GBP6: variants seen among roughly 807,000 people sequenced by gnomAD.
GBP6 encodes the protein guanylate-binding protein 6.
A neutral mutation model predicts 61.5 loss-of-function variants in GBP6; 54 were observed. The observed-to-expected ratio is 0.88, with a 90% CI of 0.71 to 1.10. GBP6 has a LOEUF of 1.10. Ranked by LOEUF, GBP6 falls within the 50% of genes least tolerant of loss-of-function variation. GBP6 has a pLI of 0.00. For missense variants in GBP6, 748 were observed against 752.8 expected, an observed-to-expected ratio of 0.99 and a Z score of 0.07; for synonymous variants, 255 against 273.7, an observed-to-expected ratio of 0.93 and a Z score of 0.67.
Position 89,385,471 on chromosome 1 carries a change from G to A in GBP6, c.*2G>A, listed in dbSNP as rs553010466. Reference sequence around the variant, plus strand: ...AAAAAGCATAAGCTCCCCTTTTAAGGATATTATAGATTGTACATATATGCT... The same window carrying A: ...AAAAAGCATAAGCTCCCCTTTTAAGAATATTATAGATTGTACATATATGCT... On this transcript the variant is annotated 3_prime_UTR_variant, in exon 11 of 11. Coordinates refer to ENST00000370456, the MANE Select transcript of GBP6 (RefSeq NM_198460.3). 1.2e-6 allele frequency: 2 copies of A among 1,612,718 alleles called. No homozygotes were observed. Among genetic ancestry groups the A allele is most frequent in the African/African-American group, 2.7e-5 (2 of 74,868 alleles).
At chr1:89,364,471 G>A (rs751248487) in intron 1 of GBP6, among the ~76,000 whole-genome samples, 12 of 152,174 alleles carry the variant, frequency 7.9e-5, no homozygotes, top group African/African-American at 2.7e-4. Context: ...CAATTATACC[G>A]GAAGGGAGAG....
chr1:89,367,332 T>C (rs1296947009), intron 1 of GBP6, among the ~76,000 whole-genome samples: 1 of 152,134 alleles, frequency 6.6e-6, no homozygotes, highest in Non-Finnish European at 1.5e-5. Flanking sequence ...AGTTTTGAAG[T>C]TTTGGGCTTT....
Position 89,368,662 on chromosome 1 carries a change from AGTG to A in GBP6, c.122_124del (p.Val41del), listed in dbSNP as rs1253385397. 3.1e-6 allele frequency: 5 copies of A among 1,614,164 alleles called. No individual in the cohort carries two copies. The highest frequency in any genetic ancestry group is 4.2e-6 in the Non-Finnish European group (5 of 1,179,982). On this transcript the variant is annotated inframe_deletion, in exon 2 of 11. Transcript: ENST00000370456. ...AGATTCTTGAAAAGATTTCTCAGCC[AGTG>A]GTGGTGGTGGCCATTGTAGGACTGT...
chr1:89,376,309 A>G (rs1420262058), intron 3 of GBP6, among the ~76,000 whole-genome samples: 1 of 152,210 alleles, frequency 6.6e-6, no homozygotes, highest in Non-Finnish European at 1.5e-5. Flanking sequence ...CCTTGGATAT[A>G]TACACAGCAG....
intron 1 of GBP6, among the ~76,000 whole-genome samples, chr1:89,366,486 C>A (rs1024784685): frequency 6.6e-6 from 1 of 152,104 alleles, no homozygotes; most frequent in Non-Finnish European, 1.5e-5. Flanking sequence ...AAAAGACAAA[C>A]ATATAAGGTC....
intron 3 of GBP6, among the ~76,000 whole-genome samples, chr1:89,377,313 C>A (rs1447819613): frequency 1.3e-5 from 2 of 152,156 alleles, no homozygotes; most frequent in Non-Finnish European, 2.9e-5. Context: ...TGCAAAGACT[C>A]CTGAAATCTA....
At chr1:89,380,361 TTC>T in intron 5 of GBP6, 23 bp from the exon 6 acceptor site, 2 of 1,489,494 alleles carry the variant, frequency 1.3e-6, no homozygotes, top group South Asian at 1.1e-5. Flanking sequence ...TTTCACTATA[TTC>T]TCTGTTTTTT....
At chr1:89,373,632 A>T (rs182138125) in intron 3 of GBP6, among the ~76,000 whole-genome samples, 2 of 152,244 alleles carry the variant, frequency 1.3e-5, no homozygotes, top group Non-Finnish European at 2.9e-5. Context: ...ACTTGGACAC[A>T]GGGTGGGGAA....
At position 89,378,566 on chromosome 1, in the gene GBP6, C is replaced by G. The variant is rs1398475505; in HGVS notation, c.578C>G (p.Pro193Arg). The change falls in exon 5 of 11, where the codon CCT becomes CGT. Residue 193 changes from proline (P) to arginine (R), a missense_variant. Coordinates refer to ENST00000370456, the MANE Select transcript of GBP6 (RefSeq NM_198460.3). ...CTGGAGCTGAAGTTGAACGGTCACC[C>G]TATCACAGAAGATGAATACCTGGAG... ...FTLELKLNGH[P>R]ITEDEYLENA... 6.2e-7 allele frequency: 1 copy of G among 1,613,856 alleles called. No homozygotes were observed. The highest frequency in any genetic ancestry group is 8.5e-7 in the Non-Finnish European group (1 of 1,179,858).
At position 89,384,308 on chromosome 1, in the gene GBP6, GCAGGCCAGACGGTCCTCACC is replaced by G. The variant is rs751740265; in HGVS notation, c.1662+27_1662+46del. On this transcript the variant is annotated intron_variant, in intron 10 of 10. Coordinates refer to ENST00000370456, the MANE Select transcript of GBP6 (RefSeq NM_198460.3). ...GAAGGTAAGTCTGCCCTTGGCCTCA[GCAGGCCAGACGGTCCTCACC>G]CAGGTACCTCAGGAAGGGCTGGTGA... is the stretch of plus-strand genomic sequence containing the variant. The G allele has an allele frequency of 2.5e-6, 4 of 1,588,708 alleles. No individual in the cohort carries two copies. The South Asian group carries it at 3.4e-5, about 14-fold the overall frequency.
chr1:89,365,221 G>A (rs1005005085), intron 1 of GBP6, among the ~76,000 whole-genome samples: 14 of 152,208 alleles, frequency 9.2e-5, no homozygotes, highest in Admixed American at 3.9e-4. Context: ...GGATTGAACA[G>A]CTGTATTTCA....
chr1:89,365,052 A>G (rs1302408038), intron 1 of GBP6, among the ~76,000 whole-genome samples: 1 of 114,840 alleles, frequency 8.7e-6, no homozygotes, highest in Non-Finnish European at 1.6e-5. Flanking sequence ...TTCAACTCCC[A>G]CTTACCAGTT....
chr1:89,383,573 AC>A (rs2100674963), intron 8 of GBP6, 78 bp from the exon 9 acceptor site: 1 of 1,038,286 alleles, frequency 9.6e-7, no homozygotes, highest in African/African-American at 1.6e-5. Flanking sequence ...AAGTTACAAG[AC>A]CATAATTGTT....
Position 89,378,428 on chromosome 1 carries a change from A to T in GBP6, c.440A>T (p.Glu147Val). 1 of 1,613,272 alleles carries T rather than the reference A, an allele frequency of 6.2e-7. No homozygotes were observed. Among genetic ancestry groups the T allele is most frequent in the Non-Finnish European group, 8.5e-7 (1 of 1,179,656 alleles). Residue 147 changes from glutamate to valine, a missense_variant, in exon 5 of 11, where the codon GAG becomes GTG. Glu to Val is a moderately radical substitution (Grantham distance 121, BLOSUM62 -2). Coordinates refer to ENST00000370456, the MANE Select transcript of GBP6 (RefSeq NM_198460.3). ...TACCTAAGTCCTAGTTATGTGACGG[A>T]GCTCACAGAACTAATTAAGGCAAAG... Reference protein sequence around the residue: ...QALEQLHYVTELTELIKAKSS... With the variant: ...QALEQLHYVTVLTELIKAKSS...
At chr1:89,370,616 C>T (rs565368732) in intron 3 of GBP6, among the ~76,000 whole-genome samples, 5 of 152,210 alleles carry the variant, frequency 3.3e-5, no homozygotes, top group African/African-American at 1.2e-4. Context: ...TTTCTATACA[C>T]TTTATTTTTG....
chr1:89,380,796 C>G (rs189517143), intron 6 of GBP6, among the ~76,000 whole-genome samples, 165 bp downstream of exon 6: 1 of 152,150 alleles, frequency 6.6e-6, no homozygotes, highest in Non-Finnish European at 1.5e-5. Context: ...TTGCAATTTA[C>G]AAATTCCTCT....
At chr1:89,376,770 C>G (rs1210790251) in intron 3 of GBP6, among the ~76,000 whole-genome samples, 11 of 152,024 alleles carry the variant, frequency 7.2e-5, no homozygotes, top group South Asian at 4.1e-4. Flanking sequence ...CAGGTTGAGA[C>G]AGCGGAGGTG....
intron 5 of GBP6, among the ~76,000 whole-genome samples, chr1:89,379,611 A>T (rs917354296): frequency 1.3e-5 from 2 of 152,216 alleles, no homozygotes; most frequent in African/African-American, 4.8e-5. Context: ...TAAACCCAAC[A>T]TATGTATCCA....
At chr1:89,375,575 C>G (rs1321701741) in intron 3 of GBP6, among the ~76,000 whole-genome samples, 1 of 148,802 alleles carries the variant, frequency 6.7e-6, no homozygotes, top group African/African-American at 2.5e-5. Flanking sequence ...ATTGCAGCAC[C>G]TTTGCTCATT....
Sources: gnomAD v4.1 joint callset for allele counts (sites outside exome capture counted in the v4.1 genomes callset) on GRCh38, gnomAD v4.1.1 for gene constraint, MANE v1.5 for transcripts, NCBI Gene and HGNC (gene_info 2026-07-23, HGNC 2026-07-21) for gene names.